Variants in ZNF320 observed in about 807,000 individuals in gnomAD.
ZNF320 encodes zinc finger gene 320.
In ZNF320, 2 loss-of-function variants were observed where a neutral mutation model predicts 6.8. The ratio of observed to expected loss-of-function variants is 0.29; its 90% CI spans 0.12 to 0.93. The LOEUF (loss-of-function observed/expected upper bound fraction) is 0.93, where lower values mean the gene tolerates loss of function less well. Ranked by LOEUF, ZNF320 falls within the 40% of genes least tolerant of loss-of-function variation. The probability of loss-of-function intolerance (pLI) is 0.55; values close to 1 mark genes in which losing one functional copy is unlikely to be tolerated. For synonymous variants in ZNF320, 208 were observed against 203.2 expected (o/e 1.02, Z -0.20); for missense variants, 472 against 611.0 (o/e 0.77, Z 2.40).
chr19:52,860,055 G>T (rs1202572706), downstream of ZNF320, among the ~76,000 whole-genome samples: 3 of 151,984 alleles, frequency 2.0e-5, no homozygotes, highest in Non-Finnish European at 4.4e-5. Context: ...TGGGACTACA[G>T]GCGCCCGCCA....
At chr19:52,889,926 C>T (rs904661833) in intron 4 of ZNF320, among the ~76,000 whole-genome samples, 1 of 152,168 alleles carries the variant, frequency 6.6e-6, no homozygotes, top group African/African-American at 2.4e-5. Flanking sequence ...GCTGACAGAG[C>T]ATCCAGATGT....
exon 6 of ZNF320, chr19:52,862,581 A>G (rs777994163): frequency 7.0e-5 from 29 of 416,594 alleles, no homozygotes; most frequent in Non-Finnish European, 1.2e-4. Flanking sequence ...CAGTCATTAC[A>G]TCTGTGAGCT....
rs533312680 is a variant in ZNF320, at chr19:52,876,811, TA to T, written c.*3784del. 0.17 allele frequency: 24,703 copies of T among 145,682 alleles called. 2,372 individuals carry two copies. Among genetic ancestry groups the T allele is most frequent in the South Asian group, 0.29 (1,316 of 4,548 alleles). The allele number at this position is 145,682 out of a possible 1,614,324, so 9.0% of individuals were successfully genotyped here. ...AGCACCTGGTCTATTTTTTTTTTTTTAAATTAAGAAACACGTTGGTCATGGT... is the reference window on the plus strand; with the variant it reads ...AGCACCTGGTCTATTTTTTTTTTTTTAATTAAGAAACACGTTGGTCATGGT... On this transcript the variant is annotated 3_prime_UTR_variant, in exon 6 of 6. Transcript: ENST00000682928.
chr19:52,885,152 A>C (rs2147837787), intron 5 of ZNF320, among the ~76,000 whole-genome samples: 1 of 152,194 alleles, frequency 6.6e-6, no homozygotes, highest in East Asian at 1.9e-4. Flanking sequence ...CAGTGACCCA[A>C]GATCACACCA....
downstream of ZNF320, among the ~76,000 whole-genome samples, chr19:52,859,707 A>G (rs2063475346): frequency 6.6e-6 from 1 of 152,168 alleles, no homozygotes; most frequent in South Asian, 2.1e-4. Context: ...ATACACTTCA[A>G]GGAAGGTTAC....
chr19:52,861,901 A>G (rs8109067), exon 6 of ZNF320: 173,562 of 354,126 alleles, frequency 0.49, 43,754 homozygotes, highest in African/African-American at 0.6. Flanking sequence ...TGAAGTAAAG[A>G]CTTTGCCATA....
intron 5 of ZNF320, chr19:52,883,518 G>A (rs959044515): frequency 4.3e-5 from 18 of 416,814 alleles, no homozygotes; most frequent in Admixed American, 1.6e-4. Flanking sequence ...GTTACCACCC[G>A]TACACAACAT....
rs538865674 is a variant in ZNF320, at chr19:52,869,583, C to G, written c.223+4409G>C. ...ATGGAGTGTCACTCTTTTGCCCAGG[C>G]TGGAGTGTAGTGGTGTGATCTCGGC... On this transcript the variant is annotated intron_variant, in intron 5 of 5. Transcript: ENST00000673631. Among the ~76,000 whole-genome samples the G allele has an allele frequency of 2.0e-5, 3 of 152,252 alleles. No individual in the cohort carries two copies. The South Asian group carries it at 6.2e-4, about 32-fold the overall frequency.
intron 5 of ZNF320, among the ~76,000 whole-genome samples, chr19:52,870,477 C>CA (rs35010241): frequency 0.13 from 12,011 of 89,306 alleles, 1,023 homozygotes; most frequent in Admixed American, 0.3. Context: ...GACTCCGTCT[C>CA]AAAAAAAAAA....
chr19:52,888,669 C>T (rs2064185109), intron 4 of ZNF320, among the ~76,000 whole-genome samples: 1 of 151,350 alleles, frequency 6.6e-6, no homozygotes, highest in Non-Finnish European at 1.5e-5. Flanking sequence ...TTACACAAAG[C>T]ACAAAAATCC....
intron 4 of ZNF320, among the ~76,000 whole-genome samples, chr19:52,889,694 A>C (rs1408856676): frequency 6.6e-6 from 1 of 152,200 alleles, no homozygotes; most frequent in Non-Finnish European, 1.5e-5. Flanking sequence ...TGATAGGATC[A>C]TTCTTGTATC....
At chr19:52,865,777 TTATATATATGATTATACACATATATTTA>T (rs1568693374) in intron 5 of ZNF320, among the ~76,000 whole-genome samples, 2 of 124,140 alleles carry the variant, frequency 1.6e-5, no homozygotes, top group African/African-American at 6.7e-5. Context: ...ACACATATAT[TTATATATATGATTATACACATATATTTA>T]TATATATGAT....
In ZNF320 at chr19:52,886,419, C is replaced by T. The variant is rs569877479; in HGVS notation, c.142+1708G>A. 1.2e-4 allele frequency among the ~76,000 whole-genome samples: 19 copies of T among 152,262 alleles called. No individual in the cohort carries two copies. In the East Asian group the frequency reaches 3.5e-3, roughly 28 times the overall value. On this transcript the variant is annotated intron_variant, in intron 5 of 5. Transcript: ENST00000682928. ...CAGTGCTGGAATAACAGGTGTCAGC[C>T]ACTGCACCTGGCCAGGTTATGGAAA...
chr19:52,895,081 G>C (rs976549185), intron 1 of ZNF320: 8 of 152,222 alleles, frequency 5.3e-5, no homozygotes, highest in Non-Finnish European at 1.2e-4. Context: ...CATTTACTTA[G>C]AAGCTCACAG....
chr19:52,865,409 A>C (rs1297828222), intron 5 of ZNF320: 1 of 269,592 alleles, frequency 3.7e-6, no homozygotes, highest in African/African-American at 2.5e-5. Flanking sequence ...GCCCTGTATA[A>C]AGCGTTCTGT....
At chr19:52,865,131 G>T (rs1226865866) in intron 5 of ZNF320, among the ~76,000 whole-genome samples, 2 of 152,012 alleles carry the variant, frequency 1.3e-5, no homozygotes, top group Non-Finnish European at 2.9e-5. Context: ...AGACCAGCCT[G>T]GTCAAAGTGA....
rs1287565489 is a variant in ZNF320 at position 52,879,787 on chromosome 19, T to A, written c.*809A>T. The A allele has an allele frequency of 2.0e-5, 3 of 152,264 alleles. No individual in the cohort carries two copies. Among genetic ancestry groups the A allele is most frequent in the Middle Eastern group, 3.4e-3 (1 of 294 alleles). The allele number at this position is 152,264 out of a possible 1,614,324, so 9.4% of individuals were successfully genotyped here. A position where few individuals can be genotyped will look rare whatever the true frequency, so the allele number is the denominator to read the frequency against. On this transcript the variant is annotated 3_prime_UTR_variant, in exon 6 of 6. Transcript: ENST00000682928. ...GCACCAAAAATTAGTTGAATTTCCATACATTAACAATAAACAATTTAAAAA... is the reference window on the plus strand; with the variant it reads ...GCACCAAAAATTAGTTGAATTTCCAAACATTAACAATAAACAATTTAAAAA...
intron 4 of ZNF320, among the ~76,000 whole-genome samples, chr19:52,888,818 T>C (rs78686587): frequency 0.044 from 6,671 of 152,296 alleles, 213 homozygotes; most frequent in Non-Finnish European, 0.066. Flanking sequence ...TACATATGTA[T>C]GTATGTATAA....
In ZNF320 at chr19:52,881,576, T is replaced by C; in HGVS notation, c.550A>G (p.Thr184Ala). ...SHLEIHRIIH[T>A]GEKPYKCKVC... ...TTACATTTGTATGGTTTCTCTCCAG[T>C]ATGAATTATCCTATGTATTTCAAGA... The change falls in exon 6 of 6, where the codon ACT becomes GCT. Residue 184 changes from threonine (T) to alanine (A), a missense_variant. This residue lies in a region of ZNF320 where 462 missense variants were observed against 559.7 expected (regional missense o/e 0.83). Coordinates refer to ENST00000682928, the MANE Select transcript of ZNF320 (RefSeq NM_001351774.2). 1.2e-6 allele frequency: 2 copies of C among 1,614,072 alleles called. No homozygotes were observed. Among genetic ancestry groups the C allele is most frequent in the South Asian group, 1.1e-5 (1 of 91,076 alleles).
Sources: allele counts gnomAD v4.1 joint callset (sites outside exome capture counted in the v4.1 genomes callset), GRCh38; gene constraint gnomAD v4.1.1; regional missense constraint gnomAD v4.1.1; transcripts MANE v1.5; gene names NCBI Gene and HGNC (gene_info 2026-07-23, HGNC 2026-07-21).